The following UNC5D variants were observed in gnomAD, a reference collection of about 807,000 sequenced individuals.
UNC5D encodes the protein unc-5 netrin receptor D, also known as netrin receptor UNC5D.
In UNC5D, 39 loss-of-function variants were observed where a neutral mutation model predicts 105.4. The ratio of observed to expected loss-of-function variants is 0.37; its 90% CI spans 0.29 to 0.48. The LOEUF (loss-of-function observed/expected upper bound fraction) is 0.48. Among genes scored for constraint, UNC5D ranks in the 20% least tolerant of loss-of-function variants. UNC5D has a pLI of 0.98. For synonymous variants in UNC5D, 452 were observed against 450.4 expected (o/e 1.00, Z -0.04); for missense variants, 991 against 1,202.4 (o/e 0.82, Z 2.60).
chr8:35,655,922 G>GTACT (rs1367894243), intron 4 of UNC5D, among the ~76,000 whole-genome samples: 1 of 152,206 alleles, frequency 6.6e-6, no homozygotes, highest in East Asian at 1.9e-4. Context: ...TGTTAGTCAT[G>GTACT]TACTTATATA....
intron 1 of UNC5D, among the ~76,000 whole-genome samples, chr8:35,399,707 A>G (rs1163685286): frequency 6.6e-6 from 1 of 152,234 alleles, no homozygotes; most frequent in East Asian, 1.9e-4. Flanking sequence ...ATTGCTCTTA[A>G]TTCAGTATAA....
At chr8:35,307,756 G>C (rs1167179543) in intron 1 of UNC5D, among the ~76,000 whole-genome samples, 1 of 152,080 alleles carries the variant, frequency 6.6e-6, no homozygotes, top group Non-Finnish European at 1.5e-5. Context: ...AAAATGCTGT[G>C]GGATAGAATT....
chr8:35,763,721 G>T (rs1255170076), intron 14 of UNC5D, among the ~76,000 whole-genome samples: 1 of 152,178 alleles, frequency 6.6e-6, no homozygotes, highest in Non-Finnish European at 1.5e-5. Flanking sequence ...ATAGTGCAAA[G>T]CAACCCTACA....
At chr8:35,542,775 C>G (rs1263446819) in intron 1 of UNC5D, among the ~76,000 whole-genome samples, 1 of 152,146 alleles carries the variant, frequency 6.6e-6, no homozygotes, top group Non-Finnish European at 1.5e-5. Context: ...ATCACTAGGA[C>G]TCTGAGATGA....
chr8:35,724,407 C>T (rs533203686), intron 9 of UNC5D: 47 of 1,162,180 alleles, frequency 4.0e-5, no homozygotes, highest in South Asian at 1.9e-4. Flanking sequence ...TCCAGTGCCC[C>T]GGCAAGGTGA....
chr8:35,314,270 C>T (rs1044806859), intron 1 of UNC5D, among the ~76,000 whole-genome samples: 7 of 152,054 alleles, frequency 4.6e-5, no homozygotes, highest in Admixed American at 6.6e-5. Context: ...TTACATATTT[C>T]GATCGAAACG....
rs368131972 is a variant in UNC5D, at chr8:35,407,346, TA to T, written c.104-141936del. 5.7e-3 allele frequency among the ~76,000 whole-genome samples: 840 copies of T among 148,220 alleles called. 10 individuals are homozygous for T. The highest frequency in any genetic ancestry group is 0.051 in the East Asian group (257 of 5,074). The stretch of plus-strand genomic sequence containing the variant: ...GACTGTATATACATATTAGTATAAG[TA>T]AAAAAAAAACACTTGATAGTAATAT... On this transcript the variant is annotated intron_variant, in intron 1 of 16. Transcript: ENST00000404895.
chr8:35,553,617 A>G (rs1281858833), intron 2 of UNC5D, among the ~76,000 whole-genome samples: 1 of 152,226 alleles, frequency 6.6e-6, no homozygotes, highest in Non-Finnish European at 1.5e-5. Flanking sequence ...GAAAATCACT[A>G]TCTGCCGCAC....
intron 1 of UNC5D, among the ~76,000 whole-genome samples, chr8:35,546,741 A>G (rs1815711744): frequency 6.6e-6 from 1 of 152,236 alleles, no homozygotes; most frequent in Non-Finnish European, 1.5e-5. Flanking sequence ...AGCATTCAGT[A>G]ACAAAACAAA....
intron 1 of UNC5D, among the ~76,000 whole-genome samples, chr8:35,423,531 C>G (rs914164585): frequency 4.5e-4 from 69 of 152,296 alleles, no homozygotes; most frequent in African/African-American, 1.6e-3. Flanking sequence ...TTTGTAGACA[C>G]TTGTGCATAG....
intron 13 of UNC5D, among the ~76,000 whole-genome samples, chr8:35,756,321 G>C (rs958635670): frequency 6.6e-6 from 1 of 152,058 alleles, no homozygotes; most frequent in African/African-American, 2.4e-5. Context: ...TGAGGCCCTA[G>C]AGCAGAACTT....
At chr8:35,279,703 AG>A (rs1806013438) in intron 1 of UNC5D, among the ~76,000 whole-genome samples, 1 of 152,220 alleles carries the variant, frequency 6.6e-6, no homozygotes, top group Non-Finnish European at 1.5e-5. Flanking sequence ...AATGCTCTGA[AG>A]ATGAACAGAT....
intron 1 of UNC5D, among the ~76,000 whole-genome samples, chr8:35,246,902 T>C (rs937450996): frequency 1.3e-5 from 2 of 152,120 alleles, no homozygotes; most frequent in African/African-American, 4.8e-5. Flanking sequence ...TTTCTGTGGC[T>C]CTCTGTTTCC....
chr8:35,553,028 T>C (rs985304415), intron 2 of UNC5D, among the ~76,000 whole-genome samples: 5 of 152,214 alleles, frequency 3.3e-5, no homozygotes, highest in African/African-American at 1.2e-4. Context: ...GTCTCTGTCC[T>C]AGATTTTGCC....
chr8:35,711,977 C>A (rs566930884), intron 8 of UNC5D, among the ~76,000 whole-genome samples: 1 of 152,224 alleles, frequency 6.6e-6, no homozygotes, highest in African/African-American at 2.4e-5. Context: ...TCTCACTGGA[C>A]CTTTTGGTGT....
intron 1 of UNC5D, among the ~76,000 whole-genome samples, chr8:35,334,819 T>A (rs943566085): frequency 6.6e-6 from 1 of 152,132 alleles, no homozygotes; most frequent in African/African-American, 2.4e-5. Flanking sequence ...TGGCCTAAAC[T>A]GTACATTTTT....
intron 3 of UNC5D, among the ~76,000 whole-genome samples, chr8:35,568,526 T>C (rs1162769395): frequency 2.0e-5 from 3 of 152,164 alleles, no homozygotes; most frequent in African/African-American, 7.2e-5. Flanking sequence ...CCATCTCTAC[T>C]AATAATACAA....
chr8:35,695,266 T>A (rs929633927), intron 7 of UNC5D, among the ~76,000 whole-genome samples: 6 of 152,178 alleles, frequency 3.9e-5, no homozygotes, highest in Non-Finnish European at 7.3e-5. Flanking sequence ...ATCCTTCCTC[T>A]GCTCAGCTGG....
chr8:35,309,435 A>C (rs1448188751), intron 1 of UNC5D, among the ~76,000 whole-genome samples: 1 of 152,160 alleles, frequency 6.6e-6, no homozygotes, highest in Non-Finnish European at 1.5e-5. Flanking sequence ...CTCATGGCTC[A>C]TGCAAGTTCT....
Sources: gnomAD v4.1 joint callset for allele counts (sites outside exome capture counted in the v4.1 genomes callset) on GRCh38, gnomAD v4.1.1 for gene constraint, MANE v1.5 for transcripts, NCBI Gene and HGNC (gene_info 2026-07-23, HGNC 2026-07-21) for gene names.